The following GPC6 variants were observed in gnomAD, a reference collection of about 807,000 sequenced individuals.
GPC6 encodes glypican-6.
Under a neutral mutation model 55.2 loss-of-function variants are expected in GPC6, and 14 were observed. That is an observed-to-expected ratio of 0.25 (90% CI 0.17 to 0.40). The LOEUF is 0.40. Among genes scored for constraint, GPC6 ranks in the 10% least tolerant of loss-of-function variants. The pLI is 1.00. For synonymous variants in GPC6, 278 were observed against 259.6 expected (o/e 1.07, Z -0.68); for missense variants, 641 against 708.5 (o/e 0.90, Z 1.08).
chr13:93,500,890 A>G (rs2139371504), intron 1 of GPC6, among the ~76,000 whole-genome samples: 1 of 152,268 alleles, frequency 6.6e-6, no homozygotes, highest in South Asian at 2.1e-4. Context: ...CACACTCAAG[A>G]CATTAATCCA....
chr13:93,678,529 A>G (rs1881730734), intron 2 of GPC6, among the ~76,000 whole-genome samples: 1 of 152,162 alleles, frequency 6.6e-6, no homozygotes, highest in Non-Finnish European at 1.5e-5. Flanking sequence ...AGTTTTGGCT[A>G]CAAATGGTAC....
At chr13:93,369,439 T>G (rs1192476781) in intron 1 of GPC6, among the ~76,000 whole-genome samples, 1 of 152,148 alleles carries the variant, frequency 6.6e-6, no homozygotes, top group Non-Finnish European at 1.5e-5. Context: ...TGTTCGTGTA[T>G]CAATAATAGG....
intron 1 of GPC6, among the ~76,000 whole-genome samples, chr13:93,445,158 T>C (rs1042244783): frequency 6.6e-6 from 1 of 152,186 alleles, no homozygotes; most frequent in Non-Finnish European, 1.5e-5. Context: ...ATTAGAGGAG[T>C]TGGAAAAATA....
At chr13:93,295,384 T>C (rs889658236) in intron 1 of GPC6, among the ~76,000 whole-genome samples, 1 of 151,712 alleles carries the variant, frequency 6.6e-6, no homozygotes, top group Non-Finnish European at 1.5e-5. Flanking sequence ...CAAACTGATT[T>C]CTCACAGTTC....
intron 4 of GPC6, among the ~76,000 whole-genome samples, chr13:94,071,501 A>G (rs535466980): frequency 3.2e-4 from 48 of 152,284 alleles, no homozygotes; most frequent in African/African-American, 1.1e-3. Flanking sequence ...TGGCTTAAAG[A>G]AAATTATTCA....
intron 1 of GPC6, among the ~76,000 whole-genome samples, chr13:93,529,961 A>C (rs1300912599): frequency 6.6e-6 from 1 of 152,246 alleles, no homozygotes; most frequent in African/African-American, 2.4e-5. Flanking sequence ...TGAGAAGAAC[A>C]TGAGAAGAAT....
intron 1 of GPC6, among the ~76,000 whole-genome samples, chr13:93,321,053 TC>T (rs1879420982): frequency 6.6e-6 from 1 of 152,176 alleles, no homozygotes; most frequent in African/African-American, 2.4e-5. Context: ...CAGCATCTAG[TC>T]TATCAAAGTT....
intron 1 of GPC6, among the ~76,000 whole-genome samples, chr13:93,448,498 A>G (rs570178732): frequency 3.9e-5 from 6 of 152,292 alleles, no homozygotes; most frequent in South Asian, 2.1e-4. Flanking sequence ...CTTCTTAGAA[A>G]GGCATAGTGT....
intron 3 of GPC6, among the ~76,000 whole-genome samples, chr13:93,856,532 TG>T (rs1888616491): frequency 6.6e-6 from 1 of 151,602 alleles, no homozygotes; most frequent in African/African-American, 2.4e-5. Flanking sequence ...CAAAAATATT[TG>T]CACAGTTTAC....
intron 1 of GPC6, among the ~76,000 whole-genome samples, chr13:93,356,797 A>C (rs1335795478): frequency 6.6e-6 from 1 of 152,202 alleles, no homozygotes; most frequent in Non-Finnish European, 1.5e-5. Context: ...CTTTCAGCTG[A>C]GAAATGTCAA....
At chr13:93,579,902 C>A (rs535901445) in intron 2 of GPC6, among the ~76,000 whole-genome samples, 1 of 152,230 alleles carries the variant, frequency 6.6e-6, no homozygotes, top group African/African-American at 2.4e-5. Flanking sequence ...CCATAGACCC[C>A]TAAAAAGCTT....
At chr13:93,597,027 AAAAG>A (rs1566442316) in intron 2 of GPC6, among the ~76,000 whole-genome samples, 4 of 146,924 alleles carry the variant, frequency 2.7e-5, no homozygotes, top group African/African-American at 5.2e-5. Context: ...AAAAAAAAAA[AAAAG>A]AAAAGAAAAG....
At chr13:93,843,192 A>G (rs1888019894) in intron 3 of GPC6, among the ~76,000 whole-genome samples, 1 of 151,820 alleles carries the variant, frequency 6.6e-6, no homozygotes, top group Admixed American at 6.6e-5. Context: ...AATTCCCTAA[A>G]CAGCCTTACC....
At chr13:93,516,078 T>C (rs986384340) in intron 1 of GPC6, among the ~76,000 whole-genome samples, 6 of 152,172 alleles carry the variant, frequency 3.9e-5, no homozygotes, top group Admixed American at 3.9e-4. Context: ...CAGAACTCTG[T>C]TACTGTAGAA....
intron 4 of GPC6, among the ~76,000 whole-genome samples, chr13:94,088,895 C>G (rs1161586488): frequency 6.6e-6 from 1 of 151,992 alleles, no homozygotes; most frequent in Non-Finnish European, 1.5e-5. Flanking sequence ...TTTTAACTGC[C>G]TGGGGGTCAC....
intron 6 of GPC6, among the ~76,000 whole-genome samples, chr13:94,377,353 AAAAC>A (rs1162317928): frequency 2.1e-5 from 2 of 97,444 alleles, no homozygotes; most frequent in Non-Finnish European, 4.3e-5. Context: ...TTACAAGAAA[AAAAC>A]AAACAACCCC....
In GPC6 at chr13:93,365,652, A is replaced by G. The variant is rs79188222; in HGVS notation, c.160+138036A>G. On this transcript the variant is annotated intron_variant, in intron 1 of 8. Coordinates refer to ENST00000377047, the MANE Select transcript of GPC6 (RefSeq NM_005708.5). ...GTGTTTTAATGAAGATTAGACCCCA[A>G]ATTTTAGGGCAAATTTATCATAATT... Among the ~76,000 whole-genome samples, 1,124 of 152,074 alleles carry G rather than the reference A, an allele frequency of 7.4e-3. 14 individuals are homozygous for G. Among genetic ancestry groups the G allele is most frequent in the African/African-American group, 0.026 (1,059 of 41,498 alleles).
intron 2 of GPC6, among the ~76,000 whole-genome samples, chr13:93,624,005 T>C (rs1042638018): frequency 6.6e-6 from 1 of 152,212 alleles, no homozygotes; most frequent in African/African-American, 2.4e-5. Context: ...AATGCATTGT[T>C]TGAAATATTT....
At chr13:94,371,981 G>C (rs1879564973) in intron 6 of GPC6, among the ~76,000 whole-genome samples, 1 of 152,054 alleles carries the variant, frequency 6.6e-6, no homozygotes, top group Non-Finnish European at 1.5e-5. Context: ...AATTATCAAA[G>C]TTCTTACTTA....
Sources: gnomAD v4.1 joint callset for allele counts (sites outside exome capture counted in the v4.1 genomes callset) on GRCh38, gnomAD v4.1.1 for gene constraint, MANE v1.5 for transcripts, NCBI Gene and HGNC (gene_info 2026-07-23, HGNC 2026-07-21) for gene names.